Variants in WDR59 observed in about 807,000 individuals in gnomAD.
The protein encoded by WDR59 is GATOR2 complex protein WDR59.
In WDR59, 100 loss-of-function variants were observed where a neutral mutation model predicts 131.2. That is an observed-to-expected ratio of 0.76 (90% confidence interval 0.65 to 0.90). The LOEUF is 0.90. WDR59 is among the 40% of genes least tolerant of loss of function. The pLI is 0.00. For synonymous variants in WDR59, 601 were observed against 466.2 expected (o/e 1.29, Z -3.72); for missense variants, 1,203 against 1,262.2 (o/e 0.95, Z 0.71).
intron 5 of WDR59, 27 bp from the exon 6 acceptor site, chr16:74,948,583 T>C (rs1262299960): frequency 3.1e-6 from 5 of 1,599,184 alleles, no homozygotes; most frequent in East Asian, 2.2e-5. Context: ...AAAAATCAAA[T>C]CCCCAATTTA....
chr16:74,911,082 T>C (rs1262586524), intron 14 of WDR59, among the ~76,000 whole-genome samples: 1 of 152,166 alleles, frequency 6.6e-6, no homozygotes, highest in African/African-American at 2.4e-5. Context: ...CAGGCTGGTC[T>C]TGAACTCCTG....
At chr16:74,913,158 A>G (rs762809863) in intron 13 of WDR59, among the ~76,000 whole-genome samples, 37 of 151,838 alleles carry the variant, frequency 2.4e-4, no homozygotes, top group Non-Finnish European at 4.6e-4. Context: ...ACGGTGAGCT[A>G]CTTCTTGCAG....
intron 20 of WDR59, among the ~76,000 whole-genome samples, chr16:74,891,504 AT>A (rs1303440992): frequency 3.3e-5 from 5 of 152,248 alleles, no homozygotes; most frequent in Non-Finnish European, 7.3e-5. Flanking sequence ...CTGGCTGACA[AT>A]TTAGACGTGT....
chr16:74,947,060 C>T (rs1256204737), intron 6 of WDR59, among the ~76,000 whole-genome samples: 1 of 152,174 alleles, frequency 6.6e-6, no homozygotes, highest in African/African-American at 2.4e-5. Flanking sequence ...TCCCTAGTAG[C>T]CCCAGTTGAG....
intron 5 of WDR59, among the ~76,000 whole-genome samples, chr16:74,949,452 G>GGGAA (rs1228912638): frequency 6.6e-6 from 1 of 151,030 alleles, no homozygotes; most frequent in Non-Finnish European, 1.5e-5. Flanking sequence ...GAAGGAGGGA[G>GGGAA]GGAAGGAGAG....
At chr16:74,946,444 G>A (rs557059743) in intron 6 of WDR59, among the ~76,000 whole-genome samples, 188 of 152,152 alleles carry the variant, frequency 1.2e-3, no homozygotes, top group South Asian at 1.5e-3. Flanking sequence ...GTTTCTGCCC[G>A]GGTGTGGTGG....
chr16:74,976,389 T>C (rs1158018077), intron 1 of WDR59, among the ~76,000 whole-genome samples: 1 of 152,032 alleles, frequency 6.6e-6, no homozygotes, highest in Non-Finnish European at 1.5e-5. Context: ...AAAGAAAATA[T>C]TGAGGAATTT....
chr16:74,934,823 C>G (rs1212826344), intron 8 of WDR59, among the ~76,000 whole-genome samples: 1 of 151,418 alleles, frequency 6.6e-6, no homozygotes, highest in East Asian at 1.9e-4. Flanking sequence ...TCTATATAGA[C>G]AAAGAGAAAT....
At chr16:74,926,328 G>C (rs1233328456) in intron 8 of WDR59, among the ~76,000 whole-genome samples, 2 of 152,168 alleles carry the variant, frequency 1.3e-5, no homozygotes, top group African/African-American at 2.4e-5. Context: ...AGAGTGCTGG[G>C]ATTATAGGCA....
Position 74,908,964 on chromosome 16 carries a change from A to G in WDR59, c.1656T>C (p.Tyr552=). 1 of 1,613,902 alleles carries G rather than the reference A, an allele frequency of 6.2e-7. No homozygotes were observed. Among genetic ancestry groups the G allele is most frequent in the Non-Finnish European group, 8.5e-7 (1 of 1,179,966 alleles). ...GATGCATTGTCATGGGCCTTGTGAAATATACCAGGTAACCTAAAGGAGGAG... is the reference window on the plus strand; with the variant it reads ...GATGCATTGTCATGGGCCTTGTGAAGTATACCAGGTAACCTAAAGGAGGAG... ...ARFCGAGYLV[Y]FTRPMTMHRA... Residue 552 remains tyrosine (Y), a synonymous_variant, in exon 17 of 26, where the codon TAT becomes TAC. Coordinates refer to ENST00000262144, the MANE Select transcript of WDR59 (RefSeq NM_030581.4).
intron 5 of WDR59, 115 bp from the exon 6 acceptor site, chr16:74,948,671 G>T: frequency 1.2e-6 from 1 of 867,794 alleles, no homozygotes. Flanking sequence ...CTTGGAGTAG[G>T]TAGATCCGCT....
At chr16:74,979,760 C>T (rs896460975) in intron 1 of WDR59, among the ~76,000 whole-genome samples, 4 of 149,796 alleles carry the variant, frequency 2.7e-5, no homozygotes, top group African/African-American at 9.8e-5. Context: ...AGGCTGGTCT[C>T]GAACTCCCAA....
intron 8 of WDR59, among the ~76,000 whole-genome samples, chr16:74,934,068 A>G (rs1361941217): frequency 3.9e-5 from 6 of 152,132 alleles, no homozygotes; most frequent in Admixed American, 1.3e-4. Flanking sequence ...AAATAATTAG[A>G]TATGCTTGTC....
chr16:74,929,993 C>T (rs913790552), intron 8 of WDR59, among the ~76,000 whole-genome samples: 9 of 152,080 alleles, frequency 5.9e-5, no homozygotes, highest in Non-Finnish European at 1.2e-4. Flanking sequence ...CAATTGAACT[C>T]ATGAAGATAG....
At chr16:74,931,232 TATC>T (rs1316832203) in intron 8 of WDR59, among the ~76,000 whole-genome samples, 5 of 152,172 alleles carry the variant, frequency 3.3e-5, no homozygotes, top group Non-Finnish European at 5.9e-5. Context: ...TTACAGGAGT[TATC>T]ATTTCCACAA....
At chr16:74,885,971 G>C in intron 24 of WDR59, 176 bp from the exon 25 acceptor site, 3 of 768,014 alleles carry the variant, frequency 3.9e-6, no homozygotes, top group Non-Finnish European at 6.0e-6. Context: ...GAGGTCAGGA[G>C]TTTGAGACCA....
intron 18 of WDR59, among the ~76,000 whole-genome samples, chr16:74,902,713 C>T (rs1965612609): frequency 6.6e-6 from 1 of 152,152 alleles, no homozygotes. Context: ...TGGCTTTCAT[C>T]TCAACAAAAT....
rs778827444 is a variant in WDR59 at position 74,942,813 on chromosome 16, C to T, written c.459G>A (p.Gln153=). The T allele has an allele frequency of 2.5e-6, 4 of 1,613,458 alleles. No homozygotes were observed. The highest frequency in any genetic ancestry group is 1.7e-4 in the Middle Eastern group (1 of 6,044). ...VALSAVAGAS[Q]VKWNKKNANC... ...TAGCATTTTTTTTATTCCATTTGAC[C>T]TGGGAGGCACCCGCTGCAAAGAAAA... Residue 153 remains glutamine, a synonymous_variant, in exon 7 of 26, where the codon CAG becomes CAA. Coordinates refer to ENST00000262144, the MANE Select transcript of WDR59 (RefSeq NM_030581.4).
chr16:74,901,215 C>T (rs1351730507), intron 18 of WDR59, among the ~76,000 whole-genome samples: 1 of 151,666 alleles, frequency 6.6e-6, no homozygotes, highest in Non-Finnish European at 1.5e-5. Flanking sequence ...TTGAGACCAG[C>T]CTGGGCAACA....
Sources: allele counts gnomAD v4.1 joint callset (sites outside exome capture counted in the v4.1 genomes callset), GRCh38; gene constraint gnomAD v4.1.1; transcripts MANE v1.5; gene names NCBI Gene and HGNC (gene_info 2026-07-23, HGNC 2026-07-21).